Variants in MAPK14 observed in about 807,000 individuals in gnomAD.
MAPK14 encodes the protein CSAID-binding protein.
Under a neutral mutation model 49.6 loss-of-function variants are expected in MAPK14, and 16 were observed. That is an observed-to-expected ratio of 0.32 (90% CI 0.22 to 0.49). The LOEUF (loss-of-function observed/expected upper bound fraction) is 0.49. Ranked by LOEUF, MAPK14 falls within the 20% of genes least tolerant of loss-of-function variation. The pLI is 0.99. For synonymous variants in MAPK14, 142 were observed against 158.0 expected, an observed-to-expected ratio of 0.90 and a Z score of 0.76; for missense variants, 200 against 441.2, an observed-to-expected ratio of 0.45 and a Z score of 4.90.
intron 3 of MAPK14, among the ~76,000 whole-genome samples, chr6:36,069,934 T>C (rs1764204358): frequency 6.6e-6 from 1 of 152,202 alleles, no homozygotes; most frequent in African/African-American, 2.4e-5. Context: ...ATAAAATTAT[T>C]TAGAAAAGTT....
At chr6:36,049,527 C>T (rs1182115194) in intron 1 of MAPK14, among the ~76,000 whole-genome samples, 1 of 152,142 alleles carries the variant, frequency 6.6e-6, no homozygotes, top group East Asian at 1.9e-4. Flanking sequence ...GTTTCTTATT[C>T]CATTAACTCT....
At chr6:36,101,663 G>C (rs555975839) in intron 9 of MAPK14, among the ~76,000 whole-genome samples, 6 of 151,894 alleles carry the variant, frequency 4.0e-5, no homozygotes, top group African/African-American at 1.5e-4. Context: ...ACAGGCATGC[G>C]TCACCACACC....
intron 3 of MAPK14, among the ~76,000 whole-genome samples, chr6:36,067,670 G>A (rs1217429894): frequency 6.6e-6 from 1 of 152,130 alleles, no homozygotes; most frequent in Non-Finnish European, 1.5e-5. Flanking sequence ...ATAATTTGTT[G>A]TGAAATAAGC....
At chr6:36,081,057 A>G (rs899808616) in intron 8 of MAPK14, among the ~76,000 whole-genome samples, 4 of 152,068 alleles carry the variant, frequency 2.6e-5, no homozygotes, top group Admixed American at 2.0e-4. Flanking sequence ...GTGGTTCTTT[A>G]TATATCTTAG....
intron 2 of MAPK14, 128 bp downstream of exon 2, chr6:36,052,956 G>A (rs980937489): frequency 1.7e-6 from 1 of 577,844 alleles, no homozygotes; most frequent in Non-Finnish European, 2.8e-6. Context: ...GTCCTGGGGT[G>A]TTAGTGGCCA....
At chr6:36,047,317 G>T (rs12665389) in intron 1 of MAPK14, among the ~76,000 whole-genome samples, 3 of 152,050 alleles carry the variant, frequency 2.0e-5, no homozygotes, top group South Asian at 2.1e-4. Flanking sequence ...CGGAGGAGAA[G>T]AAAATCCTAG....
At chr6:36,046,960 G>A (rs377764419) in intron 1 of MAPK14, among the ~76,000 whole-genome samples, 5 of 152,330 alleles carry the variant, frequency 3.3e-5, no homozygotes, top group South Asian at 2.1e-4. Context: ...GCTTGCAGGT[G>A]GAAGGCAAAC....
Position 36,028,168 on chromosome 6 carries a change from A to G in MAPK14, c.11A>G (p.Glu4Gly). MSQ[E>G]RPTFYRQELN... ...GGCTGCCGCTGGAAAATGTCTCAGGAGAGGCCCACGTTCTACCGGCAGGAG... is the reference window on the plus strand; with the variant it reads ...GGCTGCCGCTGGAAAATGTCTCAGGGGAGGCCCACGTTCTACCGGCAGGAG... The change falls in exon 1 of 12, where the codon GAG (glutamate) becomes GGG (glycine). Residue 4 changes from glutamate (E) to glycine (G), a missense_variant. Transcript: ENST00000229794. This position sits in a 1 kb window ranked among gnomAD's most constrained non-coding sequence, Gnocchi z 5.1. 1 of 1,612,778 alleles carries G rather than the reference A, an allele frequency of 6.2e-7. No individual in the cohort carries two copies. Among genetic ancestry groups the G allele is most frequent in the Non-Finnish European group, 8.5e-7 (1 of 1,179,088 alleles).
intron 3 of MAPK14, among the ~76,000 whole-genome samples, chr6:36,069,031 C>G (rs1331594835): frequency 6.6e-6 from 1 of 152,130 alleles, no homozygotes; most frequent in Admixed American, 6.6e-5. Context: ...AACTTAATTC[C>G]TTTGTAAAGA....
chr6:36,098,043 G>T (rs1009472784), intron 9 of MAPK14: 2 of 151,926 alleles, frequency 1.3e-5, no homozygotes, highest in African/African-American at 4.8e-5. Flanking sequence ...AAAAGCGCAT[G>T]ATGTATGGGA....
chr6:36,029,907 A>AGTATATACATATTATATAGGTATATACG (rs1562091539), intron 1 of MAPK14, among the ~76,000 whole-genome samples: 2 of 151,540 alleles, frequency 1.3e-5, no homozygotes, highest in African/African-American at 4.9e-5. Flanking sequence ...AGGTATATAC[A>AGTATATACATATTATATAGGTATATACG]TTCAGTATAT....
At chr6:36,034,087 C>T (rs1762645709) in intron 1 of MAPK14, among the ~76,000 whole-genome samples, 1 of 152,052 alleles carries the variant, frequency 6.6e-6, no homozygotes, top group Non-Finnish European at 1.5e-5. Context: ...TGCAGTTAAC[C>T]TCCTCTTGTG....
chr6:36,100,361 G>C, intron 9 of MAPK14: 1 of 946,478 alleles, frequency 1.1e-6, no homozygotes, highest in Non-Finnish European at 1.7e-6. Context: ...AACATCACTG[G>C]ATGCTTGCAT....
In MAPK14 at chr6:36,074,097, G is replaced by A; in HGVS notation, c.495+1G>A. On this transcript the variant is annotated splice_donor_variant, in intron 6 of 11. Coordinates refer to ENST00000229794, the MANE Select transcript of MAPK14 (RefSeq NM_139012.3). LOFTEE classifies it high-confidence loss of function. ...TGTGAATGAAGACTGTGAGCTGAAG[G>A]TAAAATGAAGAGACAGTATTCATTG... The A allele has an allele frequency of 6.2e-7, 1 of 1,611,554 alleles. No individual in the cohort carries two copies.
Position 36,111,142 on chromosome 6 carries a change from A to AT in MAPK14, c.*2695_*2696insT. On this transcript the variant is annotated 3_prime_UTR_variant, in exon 12 of 12. Transcript: ENST00000229794. ...TTTTACATTTTTAAATGGTTGGGAA[A>AT]GAAAAAAAAAGAAGTAGTAGATTTT... The AT allele has an allele frequency of 8.9e-5, 1 of 11,196 alleles. No individual in the cohort carries two copies. The highest frequency in any genetic ancestry group is 4.5e-3 in the South Asian group (1 of 220). 0.7% of individuals were successfully genotyped at this position (11,196 alleles called of 1,614,324 possible). A position where few individuals can be genotyped will look rare whatever the true frequency, so the allele number is the denominator to read the frequency against.
chr6:36,112,964 T>C (rs868331752), downstream of MAPK14, among the ~76,000 whole-genome samples: 3 of 152,330 alleles, frequency 2.0e-5, no homozygotes, highest in South Asian at 6.2e-4. Context: ...GGGACTAACT[T>C]TTTATAAATA....
chr6:36,027,865 T>G lies in MAPK14; in HGVS notation c.-293T>G, dbSNP rs1435063453. ...GGGAGTACTGCGACGCAGCCCGGAG[T>G]CGGCCTTGTAGGGGCGAAGGTGCAG... On this transcript the variant is annotated 5_prime_UTR_variant, in exon 1 of 12. Coordinates refer to ENST00000229794, the MANE Select transcript of MAPK14 (RefSeq NM_139012.3). 8 of 401,604 alleles carry G rather than the reference T, an allele frequency of 2.0e-5. No individual in the cohort carries two copies. The highest frequency in any genetic ancestry group is 1.1e-4 in the East Asian group (3 of 28,046). 24.9% of individuals were successfully genotyped at this position (401,604 alleles called of 1,614,324 possible).
At chr6:36,046,926 A>G (rs955826370) in intron 1 of MAPK14, among the ~76,000 whole-genome samples, 4 of 152,202 alleles carry the variant, frequency 2.6e-5, no homozygotes, top group Non-Finnish European at 4.4e-5. Context: ...AGGCTTACCA[A>G]TGGAGGAGAG....
rs888220221 is a variant in MAPK14 at position 36,028,469 on chromosome 6, C to T, written c.116+196C>T. ...TGCACTCACGCAGGTATGCGGTCCA[C>T]CGTGTGCAGCACTCAGGTCCGCTGC... is the stretch of plus-strand genomic sequence containing the variant. On this transcript the variant is annotated intron_variant, in intron 1 of 11. Coordinates refer to ENST00000229794, the MANE Select transcript of MAPK14 (RefSeq NM_139012.3). The surrounding 1 kb of genome is among the most constrained non-coding windows in gnomAD (Gnocchi z 5.1). 2.6e-5 allele frequency among the ~76,000 whole-genome samples: 4 copies of T among 152,250 alleles called. No individual in the cohort carries two copies. Among genetic ancestry groups the T allele is most frequent in the Non-Finnish European group, 4.4e-5 (3 of 68,038 alleles).
Sources: gnomAD v4.1 joint callset for allele counts (sites outside exome capture counted in the v4.1 genomes callset) on GRCh38, gnomAD v4.1.1 for gene constraint, Gnocchi (gnomAD v3.1) non-coding constraint, MANE v1.5 for transcripts, NCBI Gene and HGNC (gene_info 2026-07-23, HGNC 2026-07-21) for gene names.